TWSG1: variants seen among roughly 807,000 people sequenced by gnomAD.
TWSG1 encodes the protein twisted gastrulation protein homolog 1.
Under a neutral mutation model 23.0 loss-of-function variants are expected in TWSG1, and 15 were observed. The ratio of observed to expected loss-of-function variants is 0.65; its 90% CI spans 0.44 to 1.00. The LOEUF (loss-of-function observed/expected upper bound fraction) is 1.00, where lower values mean the gene tolerates loss of function less well. TWSG1 is among the 50% of genes least tolerant of loss of function. TWSG1 has a pLI of 0.00. For synonymous variants in TWSG1, 86 were observed against 92.8 expected, an observed-to-expected ratio of 0.93 and a Z score of 0.42; for missense variants, 242 against 278.7, an observed-to-expected ratio of 0.87 and a Z score of 0.94.
At chr18:9,349,995 C>T (rs989844010) in intron 2 of TWSG1, among the ~76,000 whole-genome samples, 3 of 152,076 alleles carry the variant, frequency 2.0e-5, no homozygotes, top group African/African-American at 4.8e-5. Flanking sequence ...CAAAAATTAG[C>T]CGAGCATGGT....
At chr18:9,393,459 C>A (rs1347060776) in intron 3 of TWSG1, among the ~76,000 whole-genome samples, 1 of 152,222 alleles carries the variant, frequency 6.6e-6, no homozygotes, top group African/African-American at 2.4e-5. Context: ...CACTGTGTCA[C>A]CTTGCCCCTT....
chr18:9,385,726 G>C (rs1317265164), intron 3 of TWSG1, among the ~76,000 whole-genome samples: 1 of 146,158 alleles, frequency 6.8e-6, no homozygotes, highest in Non-Finnish European at 1.5e-5. Flanking sequence ...AAAAAAGAAA[G>C]AACGAAGTAA....
chr18:9,343,335 T>G (rs1056890443), intron 2 of TWSG1, among the ~76,000 whole-genome samples: 5 of 150,684 alleles, frequency 3.3e-5, no homozygotes, highest in African/African-American at 9.7e-5. Flanking sequence ...TATAATTATG[T>G]ATAGTGTCCT....
At chr18:9,371,703 AAAG>A (rs2040606025) in intron 3 of TWSG1, among the ~76,000 whole-genome samples, 1 of 152,216 alleles carries the variant, frequency 6.6e-6, no homozygotes, top group Admixed American at 6.5e-5. Context: ...GACATTTTAA[AAAG>A]AAGTTCTTCT....
At position 9,363,127 on chromosome 18, in the gene TWSG1, C is replaced by T. The variant is rs564825159; in HGVS notation, c.223+3056C>T. Among the ~76,000 whole-genome samples, 5 of 152,266 alleles carry T rather than the reference C, an allele frequency of 3.3e-5. No homozygotes were observed. The South Asian group carries it at 1.0e-3, about 32-fold the overall frequency. ...CAAATTAGAGTGCAGCCTTCCTTTCCTCTCTCATTCTGTGGACTTCAGCAC... is the reference window on the plus strand; with the variant it reads ...CAAATTAGAGTGCAGCCTTCCTTTCTTCTCTCATTCTGTGGACTTCAGCAC... On this transcript the variant is annotated intron_variant, in intron 3 of 4. Transcript: ENST00000262120.
At chr18:9,380,958 G>A (rs1211708383) in intron 3 of TWSG1, among the ~76,000 whole-genome samples, 1 of 152,176 alleles carries the variant, frequency 6.6e-6, no homozygotes, top group Non-Finnish European at 1.5e-5. Flanking sequence ...AACATCATCA[G>A]CCAAATTGTT....
intron 3 of TWSG1, among the ~76,000 whole-genome samples, chr18:9,371,297 CTT>C (rs758891489): frequency 0.079 from 10,913 of 138,270 alleles, 473 homozygotes; most frequent in Non-Finnish European, 0.099. Flanking sequence ...TTAGAAATCA[CTT>C]TTTTTTTTTT....
chr18:9,396,931 C>T (rs750938146), intron 4 of TWSG1: 20 of 215,662 alleles, frequency 9.3e-5, no homozygotes, highest in Non-Finnish European at 1.5e-4. Flanking sequence ...TGGTGGCGGG[C>T]GCCTGTAGTC....
At chr18:9,360,179 G>C in intron 3 of TWSG1, 108 bp downstream of exon 3, 1 of 781,292 alleles carries the variant, frequency 1.3e-6, no homozygotes, top group Admixed American at 2.4e-5. Context: ...ACAAGTATGT[G>C]TGTGAAATAT....
intron 3 of TWSG1, among the ~76,000 whole-genome samples, chr18:9,363,367 A>T (rs2040561671): frequency 6.6e-6 from 1 of 152,098 alleles, no homozygotes; most frequent in African/African-American, 2.4e-5. Flanking sequence ...TGTGCACAAA[A>T]ATAGAGAGTA....
intron 3 of TWSG1, among the ~76,000 whole-genome samples, chr18:9,391,869 T>C (rs1388675320): frequency 4.6e-5 from 7 of 152,228 alleles, no homozygotes; most frequent in Admixed American, 2.6e-4. Context: ...TCAGAGCTCT[T>C]GAGTAACCAG....
intron 1 of TWSG1, among the ~76,000 whole-genome samples, chr18:9,335,553 A>ATGGT (rs2040418931): frequency 6.6e-6 from 1 of 152,256 alleles, no homozygotes; most frequent in South Asian, 2.1e-4. Context: ...CCCAGTTTTC[A>ATGGT]TGGTTGTAGG....
intron 4 of TWSG1, chr18:9,396,814 A>G (rs2040739260): frequency 1.9e-6 from 1 of 523,996 alleles, no homozygotes; most frequent in South Asian, 3.1e-5. Flanking sequence ...TAATCCCAGC[A>G]CTTTGGGAGG....
chr18:9,362,138 CTG>C (rs1419360854), intron 3 of TWSG1, among the ~76,000 whole-genome samples: 8 of 152,200 alleles, frequency 5.3e-5, no homozygotes, highest in African/African-American at 1.9e-4. Context: ...AGGTCATTAA[CTG>C]TATATTAATT....
At chr18:9,349,269 G>A (rs1465659121) in intron 2 of TWSG1, among the ~76,000 whole-genome samples, 2 of 151,970 alleles carry the variant, frequency 1.3e-5, no homozygotes, top group African/African-American at 4.8e-5. Flanking sequence ...GAAATCTCAA[G>A]TCCCATTTTG....
intron 3 of TWSG1, among the ~76,000 whole-genome samples, chr18:9,376,431 A>T (rs1209347892): frequency 6.6e-6 from 1 of 152,234 alleles, no homozygotes; most frequent in African/African-American, 2.4e-5. Context: ...AATGGCAAAA[A>T]AACAGACAAA....
chr18:9,396,250 C>A (rs201506146), intron 3 of TWSG1, 30 bp from the exon 4 acceptor site: 2 of 1,591,910 alleles, frequency 1.3e-6, no homozygotes, highest in Non-Finnish European at 1.7e-6. Context: ...CAGTAACTAA[C>A]AAAATCTTAT....
chr18:9,399,473 A>G lies in TWSG1; in HGVS notation c.618A>G (p.Pro206=). The G allele has an allele frequency of 6.2e-7, 1 of 1,613,976 alleles. No homozygotes were observed. Among genetic ancestry groups the G allele is most frequent in the Admixed American group, 1.7e-5 (1 of 59,960 alleles). The change falls in exon 5 of 5, where the codon CCA becomes CCG. Residue 206 remains proline (P), a synonymous_variant. Coordinates refer to ENST00000262120, the MANE Select transcript of TWSG1 (RefSeq NM_020648.6). The part of the protein sequence containing the change: ...FHNACCECIG[P]ECIDYGSKTV... Reference sequence around the variant, plus strand: ...ATGCCTGCTGCGAGTGCATTGGTCCAGAATGTATTGACTATGGTAGTAAAA... The same window carrying G: ...ATGCCTGCTGCGAGTGCATTGGTCCGGAATGTATTGACTATGGTAGTAAAA...
intron 3 of TWSG1, among the ~76,000 whole-genome samples, chr18:9,385,394 A>G (rs2040677318): frequency 9.1e-6 from 1 of 110,414 alleles, no homozygotes; most frequent in Non-Finnish European, 1.9e-5. Flanking sequence ...AGTGTAGCTT[A>G]AAAGAAAGAA....
Sources: gnomAD v4.1 joint callset for allele counts (sites outside exome capture counted in the v4.1 genomes callset) on GRCh38, gnomAD v4.1.1 for gene constraint, MANE v1.5 for transcripts, NCBI Gene and HGNC (gene_info 2026-07-23, HGNC 2026-07-21) for gene names.